SPOCK1: variants seen among roughly 807,000 people sequenced by gnomAD.
The protein encoded by SPOCK1 is SPARC (osteonectin), cwcv and kazal like domains proteoglycan 1, also known as testican-1.
In SPOCK1, 23 loss-of-function variants were observed where a neutral mutation model predicts 55.3. The observed-to-expected ratio is 0.42, with a 90% CI of 0.30 to 0.59. SPOCK1 has a LOEUF of 0.59. SPOCK1 is among the 20% of genes least tolerant of loss of function. The pLI is 0.22. For missense variants in SPOCK1, 499 were observed against 552.5 expected, an observed-to-expected ratio of 0.90 and a Z score of 0.97; for synonymous variants, 226 against 221.0, an observed-to-expected ratio of 1.02 and a Z score of -0.20.
intron 5 of SPOCK1, among the ~76,000 whole-genome samples, chr5:137,099,684 C>T (rs1580750083): frequency 6.9e-6 from 1 of 145,290 alleles, no homozygotes. Flanking sequence ...ATATATATAT[C>T]TCCCACCCTT....
At chr5:137,206,856 T>C (rs1337871391) in intron 3 of SPOCK1, among the ~76,000 whole-genome samples, 4 of 152,158 alleles carry the variant, frequency 2.6e-5, no homozygotes, top group Non-Finnish European at 4.4e-5. Flanking sequence ...AAGTATCAAG[T>C]CCATTTTACA....
intron 6 of SPOCK1, among the ~76,000 whole-genome samples, chr5:137,031,302 G>A (rs1751774958): frequency 6.6e-6 from 1 of 152,114 alleles, no homozygotes; most frequent in Admixed American, 6.5e-5. Flanking sequence ...CTAAAGTTAG[G>A]TCTGCCCTGA....
At chr5:137,391,323 C>A (rs1580900155) in intron 2 of SPOCK1, among the ~76,000 whole-genome samples, 1 of 152,056 alleles carries the variant, frequency 6.6e-6, no homozygotes, top group African/African-American at 2.4e-5. Context: ...GGGTTGGTTC[C>A]AAGTTTTGCT....
chr5:137,035,331 GA>G, intron 6 of SPOCK1, among the ~76,000 whole-genome samples: 1 of 152,208 alleles, frequency 6.6e-6, no homozygotes, highest in African/African-American at 2.4e-5. Context: ...AACCCCTGGG[GA>G]AGATACAGGG....
chr5:137,126,634 T>C (rs1425540682), intron 4 of SPOCK1, among the ~76,000 whole-genome samples: 1 of 152,104 alleles, frequency 6.6e-6, no homozygotes, highest in African/African-American at 2.4e-5. Context: ...TGGTGGTGCA[T>C]GCCTGTAATC....
intron 2 of SPOCK1, among the ~76,000 whole-genome samples, chr5:137,405,468 C>A (rs546072397): frequency 2.6e-5 from 4 of 152,148 alleles, no homozygotes; most frequent in Admixed American, 6.5e-5. Context: ...CAGTCAGAAA[C>A]GAGGGTCCTC....
intron 2 of SPOCK1, among the ~76,000 whole-genome samples, chr5:137,497,992 A>T (rs1268911607): frequency 2.0e-5 from 3 of 151,852 alleles, no homozygotes; most frequent in Non-Finnish European, 4.4e-5. Context: ...TGCCCCGGGG[A>T]GGTTTTCTCC....
At chr5:137,430,577 C>T (rs982396013) in intron 2 of SPOCK1, among the ~76,000 whole-genome samples, 3 of 152,226 alleles carry the variant, frequency 2.0e-5, no homozygotes, top group Non-Finnish European at 4.4e-5. Context: ...CCTTTACAAT[C>T]TACTAAGTGA....
chr5:137,049,278 C>T (rs1752159452), intron 6 of SPOCK1, among the ~76,000 whole-genome samples: 1 of 124,294 alleles, frequency 8.0e-6, no homozygotes. Flanking sequence ...TCAGGTACAC[C>T]AGTCAGACGT....
intron 3 of SPOCK1, 120 bp from the exon 4 acceptor site, chr5:137,140,814 G>A (rs1392515200): frequency 3.4e-5 from 20 of 590,152 alleles, no homozygotes; most frequent in Admixed American, 2.6e-4. Context: ...ACTGGTGTGC[G>A]GTGGCGCGAT....
intron 4 of SPOCK1, among the ~76,000 whole-genome samples, chr5:137,113,185 A>G (rs903516426): frequency 1.3e-5 from 2 of 152,180 alleles, no homozygotes; most frequent in African/African-American, 4.8e-5. Flanking sequence ...CTTTCATTCC[A>G]GCTCAAGTTT....
chr5:137,392,235 C>A (rs925772178), intron 2 of SPOCK1, among the ~76,000 whole-genome samples: 6 of 152,154 alleles, frequency 3.9e-5, no homozygotes, highest in African/African-American at 1.4e-4. Context: ...TTTCCCAGAT[C>A]CCCCAAGTCC....
At chr5:137,428,901 C>T (rs1029686860) in intron 2 of SPOCK1, among the ~76,000 whole-genome samples, 2 of 152,240 alleles carry the variant, frequency 1.3e-5, no homozygotes, top group Non-Finnish European at 2.9e-5. Context: ...TAACAGCTCT[C>T]TCGCATGGAC....
chr5:136,976,663 CAA>C lies in SPOCK1; in HGVS notation c.*1989_*1990del, dbSNP rs1750620297. Reference sequence around the variant, plus strand: ...TTTTCTAAATTATCTCAGTTTTGTTCAAGAGAGAAAAAAAATATTGAAACAAA... The same window carrying C: ...TTTTCTAAATTATCTCAGTTTTGTTCGAGAGAAAAAAAATATTGAAACAAA... On this transcript the variant is annotated 3_prime_UTR_variant, in exon 11 of 11. Coordinates refer to ENST00000394945, the MANE Select transcript of SPOCK1 (RefSeq NM_004598.4). The C allele has an allele frequency of 6.6e-6, 1 of 152,290 alleles. No homozygotes were observed. The highest frequency in any genetic ancestry group is 2.4e-5 in the African/African-American group (1 of 41,338). The allele number at this position is 152,290 out of a possible 1,614,324, so 9.4% of individuals were successfully genotyped here. A position where few individuals can be genotyped will look rare whatever the true frequency, so the allele number is the denominator to read the frequency against.
chr5:137,158,626 T>C (rs1214307794), intron 3 of SPOCK1, among the ~76,000 whole-genome samples: 1 of 151,980 alleles, frequency 6.6e-6, no homozygotes, highest in African/African-American at 2.4e-5. Flanking sequence ...TCCCTGGAGA[T>C]GAAAAATACT....
At chr5:137,309,354 C>A (rs1048248999) in intron 2 of SPOCK1, among the ~76,000 whole-genome samples, 1 of 152,168 alleles carries the variant, frequency 6.6e-6, no homozygotes, top group Non-Finnish European at 1.5e-5. Context: ...AGGTGCCAGG[C>A]ACCTCCTCTG....
At chr5:137,471,919 GGGAAATA>G (rs1346989294) in intron 2 of SPOCK1, among the ~76,000 whole-genome samples, 1 of 152,176 alleles carries the variant, frequency 6.6e-6, no homozygotes, top group African/African-American at 2.4e-5. Context: ...CTGAGGGCAT[GGGAAATA>G]ATAGGGCAGA....
intron 2 of SPOCK1, among the ~76,000 whole-genome samples, chr5:137,358,622 C>T (rs979191583): frequency 6.6e-5 from 10 of 152,188 alleles, no homozygotes; most frequent in African/African-American, 1.9e-4. Context: ...CCCAGACAGC[C>T]GTATCTTTCC....
intron 2 of SPOCK1, among the ~76,000 whole-genome samples, chr5:137,491,560 G>T (rs1234646085): frequency 6.6e-6 from 1 of 152,162 alleles, no homozygotes; most frequent in Non-Finnish European, 1.5e-5. Flanking sequence ...GTAAAGGTCT[G>T]AGGACACCAA....
Sources: allele counts gnomAD v4.1 joint callset (sites outside exome capture counted in the v4.1 genomes callset), GRCh38; gene constraint gnomAD v4.1.1; transcripts MANE v1.5; gene names NCBI Gene and HGNC (gene_info 2026-07-23, HGNC 2026-07-21).